The following GINS4 variants were observed in gnomAD, a reference collection of about 807,000 sequenced individuals.
GINS4 encodes the protein DNA replication complex GINS protein SLD5.
A neutral mutation model predicts 31.1 loss-of-function variants in GINS4; 20 were observed. The ratio of observed to expected loss-of-function variants is 0.64; its 90% CI spans 0.45 to 0.93. The LOEUF (loss-of-function observed/expected upper bound fraction) is 0.93. Ranked by LOEUF, GINS4 falls within the 40% of genes least tolerant of loss-of-function variation. The pLI is 0.00. For missense variants in GINS4, 245 were observed against 273.9 expected (o/e 0.89, Z 0.75); for synonymous variants, 85 against 97.9 (o/e 0.87, Z 0.78).
At position 41,537,217 on chromosome 8, in the gene GINS4, A is replaced by G. The variant is rs927288953; in HGVS notation, c.221A>G (p.Lys74Arg). 6.2e-7 allele frequency: 1 copy of G among 1,613,796 alleles called. No homozygotes were observed. Among genetic ancestry groups the G allele is most frequent in the African/African-American group, 1.3e-5 (1 of 74,946 alleles). ...AGGAGAGCCAAAAGGGAGGACCTGA[A>G]GGTCAGCATCCACCAAATGGAGATG... Reference protein sequence around the residue: ...NLRRAKREDLKVSIHQMEMER... With the variant: ...NLRRAKREDLRVSIHQMEMER... The change falls in exon 4 of 8, where the codon AAG (lysine) becomes AGG (arginine). Residue 74 changes from lysine to arginine, a missense_variant. Lys to Arg is a conservative substitution (Grantham distance 26, BLOSUM62 2). Transcript: ENST00000276533.
chr8:41,540,921 C>T (rs1254845847), intron 6 of GINS4, among the ~76,000 whole-genome samples: 1 of 152,150 alleles, frequency 6.6e-6, no homozygotes, highest in Non-Finnish European at 1.5e-5. Context: ...TGCCAAGAGC[C>T]TGTTCCTCAT....
chr8:41,531,990 C>T (rs568960312), intron 2 of GINS4, among the ~76,000 whole-genome samples: 1 of 152,240 alleles, frequency 6.6e-6, no homozygotes, highest in African/African-American at 2.4e-5. Flanking sequence ...TGGGGTTTCA[C>T]CATATTGGGT....
intron 4 of GINS4, among the ~76,000 whole-genome samples, chr8:41,539,319 CAAAAAAA>C (rs36097557): frequency 1.8e-5 from 1 of 55,776 alleles, no homozygotes; most frequent in Admixed American, 2.1e-4. Context: ...GACTCCATCT[CAAAAAAA>C]AAAAAAAAAA....
rs1179882087 is a variant in GINS4, at chr8:41,536,430, A to G, written c.167A>G (p.Glu56Gly). The change falls in exon 3 of 8, where the codon GAA becomes GGA. Residue 56 changes from glutamate (E) to glycine (G), a missense_variant. Physicochemically the swap from Glu to Gly is moderately conservative, Grantham distance 98. Coordinates refer to ENST00000276533, the MANE Select transcript of GINS4 (RefSeq NM_032336.3). ...CCTGAGATTGTAGAATGTGTCATGG[A>G]ACAGCTGGAGCACATGGTAAGAGTC... is the stretch of plus-strand genomic sequence containing the variant. ...SKPEIVECVM[E>G]QLEHMEENLR... 8 of 1,606,810 alleles carry G rather than the reference A, an allele frequency of 5.0e-6. No homozygotes were observed. The highest frequency in any genetic ancestry group is 6.8e-6 in the Non-Finnish European group (8 of 1,173,358).
In GINS4 at chr8:41,536,359, G is replaced by A. The variant is rs1806741337; in HGVS notation, c.97-1G>A. The A allele has an allele frequency of 6.3e-7, 1 of 1,596,614 alleles. No homozygotes were observed. Among genetic ancestry groups the A allele is most frequent in the South Asian group, 1.1e-5 (1 of 90,734 alleles). ...TGCTTTTTCTGGCATTTGTCTTTTA[G>A]GCCTGGATGAATGAAAAGTTTGCCC... is the stretch of plus-strand genomic sequence containing the variant. On this transcript the variant is annotated splice_acceptor_variant, in intron 2 of 7. Coordinates refer to ENST00000276533, the MANE Select transcript of GINS4 (RefSeq NM_032336.3). LOFTEE classifies it high-confidence loss of function.
chr8:41,532,206 T>C (rs983947844), intron 2 of GINS4, among the ~76,000 whole-genome samples: 2 of 152,184 alleles, frequency 1.3e-5, no homozygotes, highest in Non-Finnish European at 2.9e-5. Flanking sequence ...TTATCCACAG[T>C]ACATAAACAG....
In GINS4 at chr8:41,534,954, A is replaced by T. The variant is rs563137505; in HGVS notation, c.97-1406A>T. Among the ~76,000 whole-genome samples, 17 of 152,052 alleles carry T rather than the reference A, an allele frequency of 1.1e-4. No homozygotes were observed. The East Asian group carries it at 3.1e-3, about 28-fold the overall frequency. On this transcript the variant is annotated intron_variant, in intron 2 of 7. Coordinates refer to ENST00000276533, the MANE Select transcript of GINS4 (RefSeq NM_032336.3). ...TTAGCCAGGATGGTTTGATCTCCTGACCTCGTGATCCGCCTGCCTCGGCCT... is the reference window on the plus strand; with the variant it reads ...TTAGCCAGGATGGTTTGATCTCCTGTCCTCGTGATCCGCCTGCCTCGGCCT...
rs757689710 is a variant in GINS4, at chr8:41,536,426, A to G, written c.163A>G (p.Met55Val). ...ESKPEIVECV[M>V]EQLEHMEENL... Reference sequence around the variant, plus strand: ...CAAGCCTGAGATTGTAGAATGTGTCATGGAACAGCTGGAGCACATGGTAAG... The same window carrying G: ...CAAGCCTGAGATTGTAGAATGTGTCGTGGAACAGCTGGAGCACATGGTAAG... Residue 55 changes from methionine (M) to valine (V), a missense_variant, in exon 3 of 8, where the codon ATG becomes GTG. By Grantham distance (21) the Met-to-Val change is conservative. Transcript: ENST00000276533. 3 of 1,608,432 alleles carry G rather than the reference A, an allele frequency of 1.9e-6. No homozygotes were observed. In the South Asian group the frequency reaches 3.3e-5, roughly 18 times the overall value.
chr8:41,534,702 A>C (rs1415634466), intron 2 of GINS4, among the ~76,000 whole-genome samples: 1 of 151,930 alleles, frequency 6.6e-6, no homozygotes, highest in South Asian at 2.1e-4. Context: ...AATTCAAGCT[A>C]ATGATTACCT....
chr8:41,537,479 C>T lies in GINS4; in HGVS notation c.297+186C>T, dbSNP rs535099005. 1.6e-3 allele frequency: 906 copies of T among 553,238 alleles called. 1 individual carries two copies. Among genetic ancestry groups the T allele is most frequent in the Middle Eastern group, 2.4e-3 (5 of 2,042 alleles). The allele number at this position is 553,238 out of a possible 1,614,324, so 34.3% of individuals were successfully genotyped here. On this transcript the variant is annotated intron_variant, in intron 4 of 7. Coordinates refer to ENST00000276533, the MANE Select transcript of GINS4 (RefSeq NM_032336.3). The stretch of plus-strand genomic sequence containing the variant: ...ATTGCTCCACAGAAGCACAGAGGAA[C>T]GTGTGTGGCCCACTGCGGGGACACC...
At chr8:41,531,765 G>C (rs992043288) in intron 2 of GINS4, among the ~76,000 whole-genome samples, 5 of 152,044 alleles carry the variant, frequency 3.3e-5, no homozygotes, top group African/African-American at 1.2e-4. Flanking sequence ...AAGAATTCCT[G>C]GTTCGTTAGG....
chr8:41,530,333 C>A, intron 2 of GINS4, 35 bp downstream of exon 2: 1 of 1,480,052 alleles, frequency 6.8e-7, no homozygotes, highest in Non-Finnish European at 9.3e-7. Context: ...TTGCTCCAGT[C>A]AGCCTTTTTA....
intron 6 of GINS4, among the ~76,000 whole-genome samples, chr8:41,541,307 C>G (rs1241727987): frequency 6.6e-6 from 1 of 152,116 alleles, no homozygotes; most frequent in Admixed American, 6.6e-5. Context: ...CTCCTGGCCT[C>G]AATTGATCCT....
At chr8:41,539,333 A>C (rs113169752) in intron 4 of GINS4, among the ~76,000 whole-genome samples, 11 of 148,266 alleles carry the variant, frequency 7.4e-5, no homozygotes, top group Non-Finnish European at 1.0e-4. Context: ...AAAAAAAAAA[A>C]AAAAAAAAAA....
At chr8:41,540,841 G>T (rs1371585958) in intron 6 of GINS4, among the ~76,000 whole-genome samples, 1 of 152,176 alleles carries the variant, frequency 6.6e-6, no homozygotes, top group Non-Finnish European at 1.5e-5. Flanking sequence ...CAGGGTCTTA[G>T]TCCCTTTGGG....
At chr8:41,541,719 G>A in intron 6 of GINS4, 90 bp from the exon 7 acceptor site, 1 of 949,668 alleles carries the variant, frequency 1.1e-6, no homozygotes, top group Non-Finnish European at 1.7e-6. Context: ...TCTAAACCCT[G>A]AGTGTGCCAT....
Position 41,542,103 on chromosome 8 carries a change from G to A in GINS4, c.*16G>A. The stretch of plus-strand genomic sequence containing the variant: ...GCTAATTTAAAACTAGGCATAAACA[G>A]CCAGGCATGGTGACTCAAGCCTGTA... On this transcript the variant is annotated 3_prime_UTR_variant, in exon 8 of 8. Coordinates refer to ENST00000276533, the MANE Select transcript of GINS4 (RefSeq NM_032336.3). 6.3e-7 allele frequency: 1 copy of A among 1,591,430 alleles called. No individual in the cohort carries two copies. The highest frequency in any genetic ancestry group is 8.6e-7 in the Non-Finnish European group (1 of 1,159,602).
rs775844956 is a variant in GINS4 at position 41,539,924 on chromosome 8, C to T, written c.404C>T (p.Ala135Val). ...GAATCCATGTCTTTCAGGTTCATGG[C>T]GAACACAGAGTCCTATCTGAAAAAT... ...EELAFAREFM[A>V]NTESYLKNVA... Residue 135 changes from alanine to valine, a missense_variant, in exon 6 of 8, where the codon GCG (alanine) becomes GTG (valine). By Grantham distance (64) the Ala-to-Val change is moderately conservative (BLOSUM62 0). Transcript: ENST00000276533. 6.8e-6 allele frequency: 11 copies of T among 1,613,758 alleles called. No individual in the cohort carries two copies. Among genetic ancestry groups the T allele is most frequent in the South Asian group, 2.2e-5 (2 of 91,084 alleles).
chr8:41,531,219 C>G (rs1445174328), intron 2 of GINS4, among the ~76,000 whole-genome samples: 4 of 152,170 alleles, frequency 2.6e-5, no homozygotes, highest in African/African-American at 4.8e-5. Flanking sequence ...TTGTGGTGAG[C>G]CAAGATCCTA....
Sources: allele counts gnomAD v4.1 joint callset (sites outside exome capture counted in the v4.1 genomes callset), GRCh38; gene constraint gnomAD v4.1.1; transcripts MANE v1.5; gene names NCBI Gene and HGNC (gene_info 2026-07-23, HGNC 2026-07-21).